Variants in ARHGAP39 observed in about 807,000 individuals in gnomAD.
The protein encoded by ARHGAP39 is rho GTPase-activating protein 39.
ARHGAP39 carries 44 observed loss-of-function variants against 106.9 expected under a neutral mutation model. The observed-to-expected ratio is 0.41, with a 90% CI of 0.32 to 0.53. The LOEUF (loss-of-function observed/expected upper bound fraction) is 0.53. Ranked by LOEUF, ARHGAP39 falls within the 20% of genes least tolerant of loss-of-function variation. The probability of loss-of-function intolerance (pLI) is 0.21; values close to 1 mark genes in which losing one functional copy is unlikely to be tolerated. For synonymous variants in ARHGAP39, 768 were observed against 693.2 expected, an observed-to-expected ratio of 1.11 and a Z score of -1.69; for missense variants, 1,496 against 1,577.3, an observed-to-expected ratio of 0.95 and a Z score of 0.87.
At chr8:144,616,039 C>G (rs188180805) in intron 1 of ARHGAP39, among the ~76,000 whole-genome samples, 6 of 152,224 alleles carry the variant, frequency 3.9e-5, no homozygotes, top group Admixed American at 6.5e-5. Flanking sequence ...TCAGGCACAC[C>G]CCACACGGAA....
At chr8:144,693,451 G>A in the ARHGAP39 span, among the ~76,000 whole-genome samples, 4 of 151,900 alleles carry the variant, frequency 2.6e-5, no homozygotes, top group South Asian at 8.3e-4. Context: ...TCGGCTCACT[G>A]CAAGCTCCGC....
chr8:144,578,552 C>T (rs1173951787), intron 3 of ARHGAP39, among the ~76,000 whole-genome samples: 1 of 152,146 alleles, frequency 6.6e-6, no homozygotes, highest in African/African-American at 2.4e-5. Context: ...TGTACTTTGG[C>T]CATGCACACT....
At position 144,602,037 on chromosome 8, in the gene ARHGAP39, CTG is replaced by C. The variant is rs375838950; in HGVS notation, c.80+3496_80+3497del. Among the ~76,000 whole-genome samples the C allele has an allele frequency of 1.3e-3, 151 of 114,552 alleles. 7 individuals carry two copies. In the South Asian group the frequency reaches 0.036, roughly 27 times the overall value. 75.2% of individuals were successfully genotyped at this position (114,552 alleles called of 152,430 possible). A position where few individuals can be genotyped will look rare whatever the true frequency, so the allele number is the denominator to read the frequency against. On this transcript the variant is annotated intron_variant, in intron 2 of 11. Coordinates refer to ENST00000377307, the MANE Select transcript of ARHGAP39 (RefSeq NM_025251.3). The stretch of plus-strand genomic sequence containing the variant: ...TGGAGGCGTGTGTGTGCTCGTGAAC[CTG>C]TGTGTGTGCGTGGAGGCATGCGTGC...
At chr8:144,642,335 AT>A (rs1821332850) in intron 1 of ARHGAP39, among the ~76,000 whole-genome samples, 1 of 151,950 alleles carries the variant, frequency 6.6e-6, no homozygotes, top group African/African-American at 2.4e-5. Flanking sequence ...AAAATACAAA[AT>A]ATTAGCCAGG....
chr8:144,681,916 G>A, intron 1 of ARHGAP39, among the ~76,000 whole-genome samples: 1 of 152,204 alleles, frequency 6.6e-6, no homozygotes, highest in Non-Finnish European at 1.5e-5. Flanking sequence ...CAGACTTGAG[G>A]AGGACCATCT....
At chr8:144,678,793 G>A (rs1767504807) in intron 1 of ARHGAP39, among the ~76,000 whole-genome samples, 1 of 152,218 alleles carries the variant, frequency 6.6e-6, no homozygotes, top group South Asian at 2.1e-4. Flanking sequence ...AGGGCGGGGA[G>A]TGGTGTCAGA....
intron 1 of ARHGAP39, 192 bp from the exon 2 acceptor site, chr8:144,605,887 G>A (rs898170957): frequency 1.2e-5 from 6 of 501,644 alleles, no homozygotes; most frequent in Non-Finnish European, 2.2e-5. Flanking sequence ...AGCGAAGCCT[G>A]GCCAGCCCCA....
intron 3 of ARHGAP39, among the ~76,000 whole-genome samples, chr8:144,575,592 G>T (rs531091520): frequency 2.0e-5 from 3 of 152,038 alleles, no homozygotes; most frequent in African/African-American, 7.2e-5. Flanking sequence ...AGCAACACAC[G>T]TGGAGCCATC....
rs544735215 is a variant in ARHGAP39 at position 144,641,657 on chromosome 8, C to G, written c.-81-35962G>C. 6.6e-6 allele frequency among the ~76,000 whole-genome samples: 1 copy of G among 152,242 alleles called. No homozygotes were observed. Among genetic ancestry groups the G allele is most frequent in the Non-Finnish European group, 1.5e-5 (1 of 68,042 alleles). On this transcript the variant is annotated intron_variant, in intron 1 of 11. Transcript: ENST00000377307. The surrounding 1 kb of genome is among the most constrained non-coding windows in gnomAD (Gnocchi z 5.2). Reference sequence around the variant, plus strand: ...CCTCCGCCAAAAGCAGAGCCTGAGACGAGGATGTGGCTTCATGGGCTCTAT... The same window carrying G: ...CCTCCGCCAAAAGCAGAGCCTGAGAGGAGGATGTGGCTTCATGGGCTCTAT...
Position 144,604,015 on chromosome 8 carries a change from C to T in ARHGAP39, c.80+1520G>A, listed in dbSNP as rs1820185679. On this transcript the variant is annotated intron_variant, in intron 2 of 11. Transcript: ENST00000377307. This position sits in a 1 kb window ranked among gnomAD's most constrained non-coding sequence, Gnocchi z 4.1. Reference sequence around the variant, plus strand: ...GGAGCTCACAGCCCACATCAGCGAACAAACGAATGAAGAACGAACAAACGA... The same window carrying T: ...GGAGCTCACAGCCCACATCAGCGAATAAACGAATGAAGAACGAACAAACGA... Among the ~76,000 whole-genome samples, 1 of 152,236 alleles carries T rather than the reference C, an allele frequency of 6.6e-6. No individual in the cohort carries two copies. The highest frequency in any genetic ancestry group is 1.5e-5 in the Non-Finnish European group (1 of 68,040).
chr8:144,579,906 C>T (rs928775489), intron 3 of ARHGAP39, among the ~76,000 whole-genome samples: 5 of 152,118 alleles, frequency 3.3e-5, no homozygotes, highest in South Asian at 2.1e-4. Context: ...GGCCTCCATC[C>T]GCCCCTGCAG....
chr8:144,598,358 G>A (rs117362283), intron 2 of ARHGAP39, among the ~76,000 whole-genome samples: 138 of 152,296 alleles, frequency 9.1e-4, no homozygotes, highest in Non-Finnish European at 1.7e-3. Context: ...GGTGTCAGTG[G>A]AGGGATACCA....
At position 144,679,118 on chromosome 8, in the gene ARHGAP39, G is replaced by C. The variant is rs1329785087; in HGVS notation, c.-82+6568C>G. Among the ~76,000 whole-genome samples, 1 of 152,232 alleles carries C rather than the reference G, an allele frequency of 6.6e-6. No individual in the cohort carries two copies. Among genetic ancestry groups the C allele is most frequent in the African/African-American group, 2.4e-5 (1 of 41,472 alleles). On this transcript the variant is annotated intron_variant, in intron 1 of 11. Coordinates refer to ENST00000377307, the MANE Select transcript of ARHGAP39 (RefSeq NM_025251.3). The surrounding 1 kb of genome is among the most constrained non-coding windows in gnomAD (Gnocchi z 4.7). ...AGAAGTGAATGTGGGTGCTGAGTCT[G>C]AGCCGCCTCAGGGGCTCTCGCGCAT...
chr8:144,555,803 A>C (rs1817895765), intron 3 of ARHGAP39, among the ~76,000 whole-genome samples, 160 bp from the exon 4 acceptor site: 1 of 152,170 alleles, frequency 6.6e-6, no homozygotes, highest in African/African-American at 2.4e-5. Flanking sequence ...CCCTGAGTCC[A>C]CCTTCTTCCA....
In ARHGAP39 at chr8:144,610,580, C is replaced by T. The variant is rs182714356; in HGVS notation, c.-81-4885G>A. Reference sequence around the variant, plus strand: ...CAAAAAAGTTAGCCAGGCGTGGTGGCGGGCGCCTGTAGTCCCAGCAACTCG... The same window carrying T: ...CAAAAAAGTTAGCCAGGCGTGGTGGTGGGCGCCTGTAGTCCCAGCAACTCG... On this transcript the variant is annotated intron_variant, in intron 1 of 11. Transcript: ENST00000377307. 2.2e-3 allele frequency among the ~76,000 whole-genome samples: 334 copies of T among 151,938 alleles called. 1 individual carries two copies. Among genetic ancestry groups the T allele is most frequent in the African/African-American group, 7.1e-3 (296 of 41,474 alleles).
chr8:144,588,815 A>T (rs1437329110), intron 2 of ARHGAP39, among the ~76,000 whole-genome samples: 2 of 152,254 alleles, frequency 1.3e-5, no homozygotes, highest in Non-Finnish European at 2.9e-5. Context: ...CCGCGCCGTG[A>T]CATGAGAGCA....
intron 1 of ARHGAP39, among the ~76,000 whole-genome samples, chr8:144,627,767 AAAC>A (rs1177443308): frequency 5.9e-5 from 9 of 152,106 alleles, no homozygotes; most frequent in Non-Finnish European, 1.2e-4. Flanking sequence ...CAAAAAAACA[AAAC>A]AAAACAAAAC....
intron 6 of ARHGAP39, 81 bp downstream of exon 6, chr8:144,545,168 C>T (rs1179659650): frequency 7.6e-7 from 1 of 1,322,050 alleles, no homozygotes; most frequent in African/African-American, 1.5e-5. Flanking sequence ...CCAGGGACTT[C>T]ACCAGCTGCC....
chr8:144,694,541 C>T, the ARHGAP39 span, among the ~76,000 whole-genome samples: 1 of 152,206 alleles, frequency 6.6e-6, no homozygotes, highest in Non-Finnish European at 1.5e-5. Context: ...GTGTTAACGC[C>T]GTTCCCCCAC....
Sources: allele counts gnomAD v4.1 joint callset (sites outside exome capture counted in the v4.1 genomes callset), GRCh38; gene constraint gnomAD v4.1.1; non-coding constraint Gnocchi (gnomAD v3.1); transcripts MANE v1.5; gene names NCBI Gene and HGNC (gene_info 2026-07-23, HGNC 2026-07-21).